LEKR1: variants seen among roughly 807,000 people sequenced by gnomAD.
The protein encoded by LEKR1 is leucine, glutamate and lysine rich 1, also known as protein LEKR1.
Under a neutral mutation model 72.4 loss-of-function variants are expected in LEKR1, and 59 were observed. The observed-to-expected ratio is 0.82, with a 90% CI of 0.66 to 1.01. The LOEUF is 1.01. Ranked by LOEUF, LEKR1 falls within the 50% of genes least tolerant of loss-of-function variation. The probability of loss-of-function intolerance (pLI) is 0.00; values close to 1 mark genes in which losing one functional copy is unlikely to be tolerated. For synonymous variants in LEKR1, 257 were observed against 263.2 expected, an observed-to-expected ratio of 0.98 and a Z score of 0.23; for missense variants, 728 against 759.2, an observed-to-expected ratio of 0.96 and a Z score of 0.48.
rs573031750 is a variant in LEKR1, at chr3:156,965,873, G to A, written c.746-13321G>A. ...ACTTCTATTATTGGTATATATTTTT[G>A]CATGTGCAAGGGTTTACTCTGAATG... is the stretch of plus-strand genomic sequence containing the variant. On this transcript the variant is annotated intron_variant, in intron 6 of 12. Coordinates refer to ENST00000356539, the MANE Select transcript of LEKR1 (RefSeq NM_001004316.3). 7.9e-5 allele frequency among the ~76,000 whole-genome samples: 12 copies of A among 152,184 alleles called. No individual in the cohort carries two copies. In the East Asian group the frequency reaches 2.1e-3, roughly 27 times the overall value.
At chr3:157,029,588 T>C (rs575029677) in intron 12 of LEKR1, among the ~76,000 whole-genome samples, 27 of 152,242 alleles carry the variant, frequency 1.8e-4, no homozygotes, top group African/African-American at 5.3e-4. Context: ...TCTTTTAGTA[T>C]TATAATTAAG....
chr3:156,827,998 G>A (rs1197034648), intron 1 of LEKR1, among the ~76,000 whole-genome samples: 1 of 152,122 alleles, frequency 6.6e-6, no homozygotes, highest in Non-Finnish European at 1.5e-5. Context: ...AGCCTTCTGG[G>A]CTCTTGCCAC....
intron 9 of LEKR1, among the ~76,000 whole-genome samples, chr3:157,009,321 T>C (rs1469355207): frequency 6.6e-6 from 1 of 152,164 alleles, no homozygotes; most frequent in Non-Finnish European, 1.5e-5. Context: ...GATTTTCAAA[T>C]TGGTATGTAT....
intron 3 of LEKR1, among the ~76,000 whole-genome samples, chr3:156,903,262 C>A (rs1174362978): frequency 6.6e-6 from 1 of 151,926 alleles, no homozygotes; most frequent in South Asian, 2.1e-4. Flanking sequence ...TTTGATATAT[C>A]TTTGTTAATT....
chr3:156,963,943 A>T (rs1049389083), intron 6 of LEKR1, among the ~76,000 whole-genome samples: 1 of 152,172 alleles, frequency 6.6e-6, no homozygotes, highest in Non-Finnish European at 1.5e-5. Context: ...AGCCTGGCTG[A>T]TGGTAAACAT....
chr3:156,957,175 G>A (rs1310234723), intron 6 of LEKR1, among the ~76,000 whole-genome samples: 4 of 151,896 alleles, frequency 2.6e-5, no homozygotes, highest in Non-Finnish European at 4.4e-5. Context: ...CTAATGATAG[G>A]AGTAATACAT....
chr3:157,027,366 A>G (rs1734263205), intron 11 of LEKR1, among the ~76,000 whole-genome samples: 1 of 152,158 alleles, frequency 6.6e-6, no homozygotes, highest in Admixed American at 6.6e-5. Flanking sequence ...ATATACAAAA[A>G]AGAAAAAAAA....
At chr3:156,885,797 C>G (rs1719998170) in intron 3 of LEKR1, among the ~76,000 whole-genome samples, 1 of 152,218 alleles carries the variant, frequency 6.6e-6, no homozygotes, top group African/African-American at 2.4e-5. Flanking sequence ...TCTGGATGGT[C>G]AGGATGTTGC....
chr3:156,938,082 T>C (rs1576860668), intron 5 of LEKR1, among the ~76,000 whole-genome samples: 2 of 152,280 alleles, frequency 1.3e-5, no homozygotes, highest in African/African-American at 4.8e-5. Flanking sequence ...AGCAATTTTG[T>C]ATTTTGATTG....
At chr3:156,871,220 T>C (rs1303851077) in intron 3 of LEKR1, among the ~76,000 whole-genome samples, 1 of 152,010 alleles carries the variant, frequency 6.6e-6, no homozygotes, top group Non-Finnish European at 1.5e-5. Flanking sequence ...GGTTTTTTGT[T>C]CTTGCGATAG....
intron 3 of LEKR1, among the ~76,000 whole-genome samples, chr3:156,908,862 A>G (rs886751850): frequency 1.3e-5 from 2 of 152,174 alleles, no homozygotes; most frequent in Non-Finnish European, 2.9e-5. Context: ...ATTTAAGGCC[A>G]TGCATTTACA....
chr3:157,043,738 T>C (rs914078841), intron 12 of LEKR1, among the ~76,000 whole-genome samples: 8 of 152,236 alleles, frequency 5.3e-5, no homozygotes, highest in African/African-American at 1.9e-4. Flanking sequence ...TCCACAACTG[T>C]TTCCACTAGA....
At chr3:156,903,515 G>A (rs538434380) in intron 3 of LEKR1, among the ~76,000 whole-genome samples, 47 of 152,214 alleles carry the variant, frequency 3.1e-4, no homozygotes, top group Non-Finnish European at 6.2e-4. Context: ...ACTCTTGGTT[G>A]TGACTAAAAT....
At chr3:156,924,040 T>A (rs1298731046) in intron 4 of LEKR1, among the ~76,000 whole-genome samples, 1 of 152,204 alleles carries the variant, frequency 6.6e-6, no homozygotes, top group Non-Finnish European at 1.5e-5. Context: ...CAATATTTAA[T>A]TTTTTAACTG....
At chr3:156,949,066 T>C (rs1009835156) in intron 6 of LEKR1, among the ~76,000 whole-genome samples, 1 of 151,656 alleles carries the variant, frequency 6.6e-6, no homozygotes, top group Admixed American at 6.6e-5. Flanking sequence ...AATAGACCTT[T>C]GTCTGCTGCA....
In LEKR1 at chr3:156,942,983, C is replaced by T. The variant is rs13316183; in HGVS notation, c.745+269C>T. ...AACGTAAGATTTCAGAAAAATAAGG[C>T]GAAATTTACTTTGGTATATCTGTGC... On this transcript the variant is annotated intron_variant, in intron 6 of 12. Coordinates refer to ENST00000356539, the MANE Select transcript of LEKR1 (RefSeq NM_001004316.3). Among the ~76,000 whole-genome samples the T allele has an allele frequency of 0.51, 77,034 of 151,520 alleles. 21,228 individuals carry two copies. Among genetic ancestry groups the T allele is most frequent in the East Asian group, 0.73 (3,765 of 5,144 alleles).
rs374174982 is a variant in LEKR1, at chr3:157,042,645, TG to T, written c.1669-2694del. ...TCTCCAGATCATTACTCCTTTCCTT[TG>T]AGACTTGAATTTAATCTTAGTAAAT... On this transcript the variant is annotated intron_variant, in intron 12 of 12. Coordinates refer to ENST00000356539, the MANE Select transcript of LEKR1 (RefSeq NM_001004316.3). Among the ~76,000 whole-genome samples, 626 of 152,310 alleles carry T rather than the reference TG, an allele frequency of 4.1e-3. 2 individuals carry two copies. Among genetic ancestry groups the T allele is most frequent in the African/African-American group, 0.014 (602 of 41,552 alleles).
intron 10 of LEKR1, among the ~76,000 whole-genome samples, chr3:157,017,962 A>AAAAAAAAG (rs1733503634): frequency 6.7e-5 from 9 of 134,282 alleles, no homozygotes; most frequent in South Asian, 2.4e-4. Context: ...AAAAAAAAAA[A>AAAAAAAAG]AAAAAAAAAA....
Position 157,045,898 on chromosome 3 carries a change from A to G in LEKR1, c.*148A>G. The G allele has an allele frequency of 1.4e-6, 1 of 711,342 alleles. No homozygotes were observed. Among genetic ancestry groups the G allele is most frequent in the South Asian group, 2.2e-5 (1 of 45,518 alleles). The allele number at this position is 711,342 out of a possible 1,614,324, so 44.1% of individuals were successfully genotyped here. A position where few individuals can be genotyped will look rare whatever the true frequency, so the allele number is the denominator to read the frequency against. On this transcript the variant is annotated 3_prime_UTR_variant, in exon 13 of 13. Coordinates refer to ENST00000356539, the MANE Select transcript of LEKR1 (RefSeq NM_001004316.3). ...TAGATGTATTTAACAAAAGACTGTA[A>G]AAAGCTGGAAAATTGTGAAGCCTTA...
Sources: allele counts gnomAD v4.1 joint callset (sites outside exome capture counted in the v4.1 genomes callset), GRCh38; gene constraint gnomAD v4.1.1; transcripts MANE v1.5; gene names NCBI Gene and HGNC (gene_info 2026-07-23, HGNC 2026-07-21).